The following RMI1 variants were observed in gnomAD, a reference collection of about 807,000 sequenced individuals.
RMI1 encodes RecQ mediated genome instability 1.
RMI1 carries 36 observed loss-of-function variants against 46.7 expected under a neutral mutation model. The ratio of observed to expected loss-of-function variants is 0.77; its 90% CI spans 0.59 to 1.02. The LOEUF (loss-of-function observed/expected upper bound fraction) is 1.02, where lower values mean the gene tolerates loss of function less well. RMI1 is among the 50% of genes least tolerant of loss of function. The pLI is 0.00. For synonymous variants in RMI1, 250 were observed against 252.9 expected, an observed-to-expected ratio of 0.99 and a Z score of 0.11; for missense variants, 676 against 713.7, an observed-to-expected ratio of 0.95 and a Z score of 0.60.
chr9:83,984,631 G>T (rs183470271), intron 1 of RMI1, among the ~76,000 whole-genome samples: 3 of 151,702 alleles, frequency 2.0e-5, no homozygotes, highest in African/African-American at 7.3e-5. Flanking sequence ...GCACAATCTC[G>T]GCTCACTGCA....
At chr9:83,997,331 G>A (rs962536032) in intron 1 of RMI1, among the ~76,000 whole-genome samples, 1 of 151,462 alleles carries the variant, frequency 6.6e-6, no homozygotes, top group Non-Finnish European at 1.5e-5. Context: ...GGCTGGTCTC[G>A]AACTCTCGAC....
chr9:83,992,338 A>C (rs1957587146), intron 1 of RMI1, among the ~76,000 whole-genome samples: 1 of 152,184 alleles, frequency 6.6e-6, no homozygotes, highest in Non-Finnish European at 1.5e-5. Context: ...GCTGTAACTC[A>C]TGCCTGAATA....
intron 1 of RMI1, among the ~76,000 whole-genome samples, chr9:83,994,313 T>C (rs1957618517): frequency 6.6e-6 from 1 of 152,160 alleles, no homozygotes; most frequent in Non-Finnish European, 1.5e-5. Context: ...GTAGTCCCAT[T>C]TGTCTATTTT....
chr9:84,002,028 A>T lies in RMI1; in HGVS notation c.1042A>T (p.Ser348Cys). The change falls in exon 3 of 3, where the codon AGT (serine) becomes TGT (cysteine). Residue 348 changes from serine (S) to cysteine (C), a missense_variant. By Grantham distance (112) the Ser-to-Cys change is moderately radical (BLOSUM62 -1). Transcript: ENST00000445877. ...GACTTTTAACAGAAATGCCGATCGA[A>T]GTATAGAGAGATTTTCACATAATCC... ...PLTFNRNADR[S>C]IERFSHNPNT... The T allele has an allele frequency of 6.2e-7, 1 of 1,614,016 alleles. No individual in the cohort carries two copies. Among genetic ancestry groups the T allele is most frequent in the Non-Finnish European group, 8.5e-7 (1 of 1,179,940 alleles).
intron 1 of RMI1, chr9:83,992,809 G>C (rs997088929): frequency 2.0e-5 from 3 of 152,002 alleles, no homozygotes; most frequent in African/African-American, 7.2e-5. Context: ...AGATTCTTTA[G>C]CATTTTCTTC....
At chr9:83,986,011 A>C (rs960462913) in intron 1 of RMI1, among the ~76,000 whole-genome samples, 3 of 152,178 alleles carry the variant, frequency 2.0e-5, no homozygotes, top group Non-Finnish European at 2.9e-5. Flanking sequence ...TCCAAAAAAA[A>C]CCCACCAAAA....
At position 84,001,033 on chromosome 9, in the gene RMI1, C is replaced by T. The variant is rs759081838; in HGVS notation, c.47C>T (p.Ala16Val). ...TTAAGAGCTGAAACTTGGCTTTTAG[C>T]TGCATGGCATGTTAAAGTACCTCCG... ...IALRAETWLL[A>V]AWHVKVPPMW... The change falls in exon 3 of 3, where the codon GCT (alanine) becomes GTT (valine). Residue 16 changes from alanine (A) to valine (V), a missense_variant. By Grantham distance (64) the Ala-to-Val change is moderately conservative. Transcript: ENST00000445877. 3 of 1,613,352 alleles carry T rather than the reference C, an allele frequency of 1.9e-6. No homozygotes were observed. Among genetic ancestry groups the T allele is most frequent in the Non-Finnish European group, 2.5e-6 (3 of 1,179,676 alleles).
Position 84,002,872 on chromosome 9 carries a change from A to G in RMI1, c.*8A>G. On this transcript the variant is annotated 3_prime_UTR_variant, in exon 3 of 3. Transcript: ENST00000445877. The stretch of plus-strand genomic sequence containing the variant: ...AAGCGGTTAAATAAATAATTAAACT[A>G]AAATAGTATTAGGAACAATTAAAAA... The G allele has an allele frequency of 7.1e-7, 1 of 1,415,294 alleles. No homozygotes were observed. Among genetic ancestry groups the G allele is most frequent in the Non-Finnish European group, 9.7e-7 (1 of 1,031,266 alleles). 87.7% of individuals were successfully genotyped at this position (1,415,294 alleles called of 1,614,324 possible). A position where few individuals can be genotyped will look rare whatever the true frequency, so the allele number is the denominator to read the frequency against.
chr9:83,984,272 C>CTTTTT (rs34730251), intron 1 of RMI1, among the ~76,000 whole-genome samples: 2 of 143,084 alleles, frequency 1.4e-5, no homozygotes, highest in East Asian at 2.0e-4. Context: ...ATGAACATAC[C>CTTTTT]TTTTTTTTTT....
chr9:83,990,236 G>C (rs1957549852), intron 1 of RMI1, among the ~76,000 whole-genome samples: 1 of 152,172 alleles, frequency 6.6e-6, no homozygotes, highest in Non-Finnish European at 1.5e-5. Context: ...ACAGTTAGAG[G>C]CCGGGCGCAG....
At chr9:83,999,944 C>G (rs1957713544) in intron 2 of RMI1, 147 bp downstream of exon 2, 1 of 152,142 alleles carries the variant, frequency 6.6e-6, no homozygotes. Flanking sequence ...CTGAGAAAAT[C>G]AGAAGTTAAA....
At chr9:83,988,092 C>T (rs1957518925) in intron 1 of RMI1, among the ~76,000 whole-genome samples, 1 of 152,020 alleles carries the variant, frequency 6.6e-6, no homozygotes, top group South Asian at 2.1e-4. Flanking sequence ...AGATATTGCC[C>T]AGGCTGGTTT....
intron 2 of RMI1, among the ~76,000 whole-genome samples, 153 bp from the exon 3 acceptor site, chr9:84,000,798 C>T (rs941049681): frequency 3.3e-5 from 5 of 152,024 alleles, no homozygotes; most frequent in African/African-American, 1.2e-4. Context: ...CTCATTTTAC[C>T]ATCTGATTAT....
rs768437892 is a variant in RMI1 at position 84,002,484 on chromosome 9, A to G, written c.1498A>G (p.Ser500Gly). 1 of 1,613,998 alleles carries G rather than the reference A, an allele frequency of 6.2e-7. No individual in the cohort carries two copies. The highest frequency in any genetic ancestry group is 1.1e-5 in the South Asian group (1 of 91,084). ...TGTCTATTTGTCTGTTCTAATGGCCAGCAAACCAAAGGAAGTTACAACAGT... is the reference window on the plus strand; with the variant it reads ...TGTCTATTTGTCTGTTCTAATGGCCGGCAAACCAAAGGAAGTTACAACAGT... ...PFVYLSVLMA[S>G]KPKEVTTVKV... Residue 500 changes from serine (S) to glycine (G), a missense_variant, in exon 3 of 3, where the codon AGC (serine) becomes GGC (glycine). Coordinates refer to ENST00000445877, the MANE Select transcript of RMI1 (RefSeq NM_001358291.2).
chr9:83,984,630 C>T (rs545058031), intron 1 of RMI1, among the ~76,000 whole-genome samples: 22 of 151,984 alleles, frequency 1.4e-4, no homozygotes, highest in Non-Finnish European at 2.8e-4. Flanking sequence ...GGCACAATCT[C>T]GGCTCACTGC....
In RMI1 at chr9:84,001,269, G is replaced by C. The variant is rs1044999768; in HGVS notation, c.283G>C (p.Val95Leu). 1 of 1,614,096 alleles carries C rather than the reference G, an allele frequency of 6.2e-7. No homozygotes were observed. ...TCTGCAGATTAATTCCTTGGTTGATGTAAGTCAGCCTGCATACTCCCAGAT... is the reference window on the plus strand; with the variant it reads ...TCTGCAGATTAATTCCTTGGTTGATCTAAGTCAGCCTGCATACTCCCAGAT... ...YALQINSLVDVSQPAYSQIQK... is the reference protein window; with the variant it reads ...YALQINSLVDLSQPAYSQIQK... Residue 95 changes from valine to leucine, a missense_variant, in exon 3 of 3, where the codon GTA becomes CTA. Physicochemically the swap from Val to Leu is conservative, Grantham distance 32 (BLOSUM62 1). Transcript: ENST00000445877.
At position 84,002,331 on chromosome 9, in the gene RMI1, A is replaced by C. The variant is rs1957751005; in HGVS notation, c.1345A>C (p.Asn449His). 1.2e-6 allele frequency: 2 copies of C among 1,601,340 alleles called. No individual in the cohort carries two copies. The highest frequency in any genetic ancestry group is 8.5e-7 in the Non-Finnish European group (1 of 1,170,082). Residue 449 changes from asparagine to histidine, a missense_variant, in exon 3 of 3, where the codon AAC (asparagine) becomes CAC (histidine). Coordinates refer to ENST00000445877, the MANE Select transcript of RMI1 (RefSeq NM_001358291.2). ...TAAAATATTAAATAGAGAGGTGGTC[A>C]ACTATGTACAGAAAAGGAATTCACA... is the stretch of plus-strand genomic sequence containing the variant. ...NNKILNREVV[N>H]YVQKRNSQIS... is the part of the protein sequence containing the mutation.
At chr9:83,992,556 A>G (rs1957590205) in intron 1 of RMI1, among the ~76,000 whole-genome samples, 2 of 152,130 alleles carry the variant, frequency 1.3e-5, no homozygotes, top group East Asian at 1.9e-4. Flanking sequence ...AAAAGGCACA[A>G]TATCACTTTG....
chr9:83,981,459 A>G (rs1399125506), intron 1 of RMI1, among the ~76,000 whole-genome samples: 3 of 152,170 alleles, frequency 2.0e-5, no homozygotes, highest in African/African-American at 7.2e-5. Context: ...CTCCTGTTCT[A>G]GCGGGTTCAG....
Sources: gnomAD v4.1 joint callset for allele counts (sites outside exome capture counted in the v4.1 genomes callset) on GRCh38, gnomAD v4.1.1 for gene constraint, MANE v1.5 for transcripts, NCBI Gene and HGNC (gene_info 2026-07-23, HGNC 2026-07-21) for gene names.